The following ZNF793 variants were observed in gnomAD, a reference collection of about 807,000 sequenced individuals.
The protein encoded by ZNF793 is zinc finger protein 793.
A neutral mutation model predicts 12.4 loss-of-function variants in ZNF793; 5 were observed. That is an observed-to-expected ratio of 0.40 (90% CI 0.21 to 0.84). The LOEUF is 0.84. Ranked by LOEUF, ZNF793 falls within the 40% of genes least tolerant of loss-of-function variation. The probability of loss-of-function intolerance (pLI) is 0.35; values close to 1 mark genes in which losing one functional copy is unlikely to be tolerated. For synonymous variants in ZNF793, 162 were observed against 172.4 expected (o/e 0.94, Z 0.47); for missense variants, 456 against 495.0 (o/e 0.92, Z 0.75).
chr19:37,528,129 A>AAAAT (rs2042430710), intron 5 of ZNF793, among the ~76,000 whole-genome samples: 1 of 152,290 alleles, frequency 6.6e-6, no homozygotes, highest in South Asian at 2.1e-4. Flanking sequence ...ACTCCATCTC[A>AAAAT]AAATAAATTA....
chr19:37,520,729 C>T (rs572340251), intron 3 of ZNF793, among the ~76,000 whole-genome samples: 2 of 152,050 alleles, frequency 1.3e-5, no homozygotes, highest in Non-Finnish European at 2.9e-5. Flanking sequence ...TTTATTCTTG[C>T]TGGACCTCTC....
At chr19:37,533,277 C>A (rs779034571) in intron 6 of ZNF793, 31 bp from the exon 7 acceptor site, 3 of 1,605,654 alleles carry the variant, frequency 1.9e-6, no homozygotes, top group Non-Finnish European at 2.6e-6. Context: ...AGGAGCTCAG[C>A]CCAAGACCTG....
At chr19:37,532,554 C>G in intron 6 of ZNF793, 72 bp downstream of exon 6, 2 of 1,489,154 alleles carry the variant, frequency 1.3e-6, no homozygotes, top group Non-Finnish European at 1.8e-6. Context: ...TTGCTAAAAG[C>G]AACTGGAGTA....
chr19:37,526,696 C>A (rs2042418397), intron 5 of ZNF793, among the ~76,000 whole-genome samples: 1 of 152,198 alleles, frequency 6.6e-6, no homozygotes, highest in Non-Finnish European at 1.5e-5. Flanking sequence ...GCCTTTAGGC[C>A]CATTTGCCTG....
chr19:37,542,330 T>G lies in ZNF793; in HGVS notation c.*4451T>G. The G allele has an allele frequency of 4.1e-6, 1 of 244,086 alleles. No homozygotes were observed. The highest frequency in any genetic ancestry group is 8.5e-6 in the Non-Finnish European group (1 of 118,324). The allele number at this position is 244,086 out of a possible 1,614,324, so 15.1% of individuals were successfully genotyped here. A position where few individuals can be genotyped will look rare whatever the true frequency, so the allele number is the denominator to read the frequency against. ...ATCACTTGAACCCAGGAGGCAGAGG[T>G]TGCAGTGAGCCAAGATCGCGCCATT... is the stretch of plus-strand genomic sequence containing the variant. On this transcript the variant is annotated 3_prime_UTR_variant, in exon 8 of 8. Transcript: ENST00000627814.
intron 1 of ZNF793, among the ~76,000 whole-genome samples, chr19:37,508,001 A>G (rs1306891158): frequency 6.6e-6 from 1 of 152,184 alleles, no homozygotes; most frequent in Non-Finnish European, 1.5e-5. Flanking sequence ...GGAAAATCAC[A>G]GATTTGAGGC....
rs1206339496 is a variant in ZNF793, at chr19:37,541,262, T to C, written c.*3383T>C. On this transcript the variant is annotated 3_prime_UTR_variant, in exon 8 of 8. Transcript: ENST00000627814. ...CACAAAAATAAATTCTGGGTGGCTT[T>C]AAGACGTAAAATTTTAAAGCAACAG... The C allele has an allele frequency of 6.6e-6, 1 of 152,204 alleles. No homozygotes were observed. Among genetic ancestry groups the C allele is most frequent in the African/African-American group, 2.4e-5 (1 of 41,458 alleles). 9.4% of individuals were successfully genotyped at this position (152,204 alleles called of 1,614,324 possible). A position where few individuals can be genotyped will look rare whatever the true frequency, so the allele number is the denominator to read the frequency against.
At chr19:37,524,152 AAATAATAATAATAATAATAATAAT>A (rs200203820) in intron 5 of ZNF793, among the ~76,000 whole-genome samples, 1 of 138,950 alleles carries the variant, frequency 7.2e-6, no homozygotes, top group Non-Finnish European at 1.5e-5. Flanking sequence ...CTCCATCTCA[AAATAATAATAATAATAATAATAAT>A]AATAATAATA....
At chr19:37,528,178 C>T (rs552720518) in intron 5 of ZNF793, among the ~76,000 whole-genome samples, 1 of 152,170 alleles carries the variant, frequency 6.6e-6, no homozygotes, top group South Asian at 2.1e-4. Flanking sequence ...AGAAGAGGCT[C>T]ATGAAGCAGA....
At chr19:37,531,312 G>C (rs1013387288) in intron 5 of ZNF793, 1 of 152,460 alleles carries the variant, frequency 6.6e-6, no homozygotes. Flanking sequence ...GACTACAGGC[G>C]CCCGCCACCA....
At chr19:37,523,525 A>G (rs755111128) in intron 5 of ZNF793, 71 bp downstream of exon 5, 55 of 1,447,656 alleles carry the variant, frequency 3.8e-5, no homozygotes, top group Non-Finnish European at 5.1e-5. Context: ...AAGGGTGTGC[A>G]TTGTAAGTAT....
intron 5 of ZNF793, among the ~76,000 whole-genome samples, chr19:37,531,024 TCA>T (rs2042455702): frequency 6.6e-6 from 1 of 152,190 alleles, no homozygotes; most frequent in Non-Finnish European, 1.5e-5. Flanking sequence ...ATCTTACTTT[TCA>T]CAGTTTATTT....
Position 37,538,398 on chromosome 19 carries a change from A to C in ZNF793, c.*519A>C, listed in dbSNP as rs1215861835. 6.6e-6 allele frequency: 1 copy of C among 152,540 alleles called. No homozygotes were observed. The highest frequency in any genetic ancestry group is 2.1e-4 in the South Asian group (1 of 4,824). 9.4% of individuals were successfully genotyped at this position (152,540 alleles called of 1,614,324 possible). ...CAGGTTCAAGCAGTTCTCCTGCCTC[A>C]GCCTCCCAAGTAGCTGGGATTACAG... On this transcript the variant is annotated 3_prime_UTR_variant, in exon 8 of 8. Transcript: ENST00000627814.
At chr19:37,515,600 G>A (rs1034373422) in intron 2 of ZNF793, among the ~76,000 whole-genome samples, 7 of 152,208 alleles carry the variant, frequency 4.6e-5, no homozygotes, top group Middle Eastern at 3.4e-3. Context: ...GAGCCACCGC[G>A]CCCAGCCTGA....
chr19:37,510,578 A>T (rs923759601), intron 2 of ZNF793, among the ~76,000 whole-genome samples: 1 of 151,334 alleles, frequency 6.6e-6, no homozygotes, highest in Non-Finnish European at 1.5e-5. Context: ...TAGCTACTGG[A>T]AAGGCTGAAG....
At chr19:37,532,017 T>A (rs916924466) in intron 5 of ZNF793, among the ~76,000 whole-genome samples, 17 of 70,166 alleles carry the variant, frequency 2.4e-4, no homozygotes, top group Middle Eastern at 7.5e-3. Flanking sequence ...TGCACAAAAT[T>A]TTTTTTTTTT....
intron 1 of ZNF793, among the ~76,000 whole-genome samples, chr19:37,507,893 G>C (rs1434463997): frequency 6.6e-6 from 1 of 152,192 alleles, no homozygotes; most frequent in Non-Finnish European, 1.5e-5. Flanking sequence ...TCTGAGGGTT[G>C]GAGATTGGAG....
chr19:37,526,554 C>T (rs1429002105), intron 5 of ZNF793, among the ~76,000 whole-genome samples: 1 of 152,246 alleles, frequency 6.6e-6, no homozygotes, highest in Admixed American at 6.5e-5. Flanking sequence ...GACTGCTGCT[C>T]TTACTACCCT....
At chr19:37,518,808 T>A (rs988325165) in intron 2 of ZNF793, among the ~76,000 whole-genome samples, 7 of 150,140 alleles carry the variant, frequency 4.7e-5, no homozygotes, top group African/African-American at 1.7e-4. Context: ...GAAAAAAAAA[T>A]AAATTATTGT....
Sources: gnomAD v4.1 joint callset for allele counts (sites outside exome capture counted in the v4.1 genomes callset) on GRCh38, gnomAD v4.1.1 for gene constraint, MANE v1.5 for transcripts, NCBI Gene and HGNC (gene_info 2026-07-23, HGNC 2026-07-21) for gene names.